Variants in TDRD10 observed in about 807,000 individuals in gnomAD.
TDRD10 encodes tudor domain containing 10.
Under a neutral mutation model 48.0 loss-of-function variants are expected in TDRD10, and 40 were observed. The ratio of observed to expected loss-of-function variants is 0.83; its 90% confidence interval spans 0.65 to 1.09. The LOEUF (loss-of-function observed/expected upper bound fraction) is 1.09, where lower values mean the gene tolerates loss of function less well. TDRD10 is among the 50% of genes least tolerant of loss of function. The pLI is 0.00. For synonymous variants in TDRD10, 162 were observed against 170.4 expected, an observed-to-expected ratio of 0.95 and a Z score of 0.38; for missense variants, 378 against 434.7, an observed-to-expected ratio of 0.87 and a Z score of 1.16.
rs1695472962 is a variant in TDRD10 at position 154,545,016 on chromosome 1, C to T, written c.952+67C>T. On this transcript the variant is annotated intron_variant, in intron 11 of 12. Coordinates refer to ENST00000368482, the MANE Select transcript of TDRD10 (RefSeq NM_182499.4). ...GGAGAAGCCATGGTTGCTTCTGGGA[C>T]CTGAACAGGAAGCAGCATAGTGGGC... 24 of 1,581,112 alleles carry T rather than the reference C, an allele frequency of 1.5e-5. No individual in the cohort carries two copies. In the South Asian group the frequency reaches 2.8e-4, roughly 18 times the overall value.
rs887229843 is a variant in TDRD10 at position 154,502,372 on chromosome 1, C to A, written c.-685C>A. 20 of 159,854 alleles carry A rather than the reference C, an allele frequency of 1.3e-4. No homozygotes were observed. The highest frequency in any genetic ancestry group is 8.2e-5 in the Non-Finnish European group (6 of 73,080). The allele number at this position is 159,854 out of a possible 1,614,324, so 9.9% of individuals were successfully genotyped here. On this transcript the variant is annotated 5_prime_UTR_variant, in exon 1 of 13. Transcript: ENST00000368482. ...CACGCTCCCAGGGACCAGAGAGGACCGAGCGGAGGCGGCGGGAGTATCCCC... is the reference window on the plus strand; with the variant it reads ...CACGCTCCCAGGGACCAGAGAGGACAGAGCGGAGGCGGCGGGAGTATCCCC...
intron 1 of TDRD10, among the ~76,000 whole-genome samples, chr1:154,504,788 A>G (rs1693050349): frequency 6.6e-6 from 1 of 152,116 alleles, no homozygotes; most frequent in African/African-American, 2.4e-5. Context: ...AAAAACACAG[A>G]TAAAGCCTGG....
intron 3 of TDRD10, 40 bp downstream of exon 3, chr1:154,507,360 A>C: frequency 1.5e-5 from 24 of 1,605,868 alleles, no homozygotes; most frequent in Non-Finnish European, 2.0e-5. Context: ...TGGGACTCTC[A>C]TCCTACAACT....
At chr1:154,526,091 G>C (rs1193023746) in intron 6 of TDRD10, among the ~76,000 whole-genome samples, 2 of 150,922 alleles carry the variant, frequency 1.3e-5, no homozygotes, top group East Asian at 3.9e-4. Flanking sequence ...TGTAGTCCCA[G>C]CTACTCGGGA....
At chr1:154,516,088 G>A (rs550286167) in intron 4 of TDRD10, among the ~76,000 whole-genome samples, 1 of 152,286 alleles carries the variant, frequency 6.6e-6, no homozygotes, top group South Asian at 2.1e-4. Context: ...TCTGCTTTCT[G>A]CACCTAACAC....
intron 4 of TDRD10, 53 bp from the exon 5 acceptor site, chr1:154,520,251 G>T: frequency 7.6e-7 from 1 of 1,313,356 alleles, no homozygotes; most frequent in Non-Finnish European, 1.1e-6. Flanking sequence ...ACCTTGAGAA[G>T]TGGTTGTAAG....
intron 11 of TDRD10, among the ~76,000 whole-genome samples, chr1:154,545,872 A>C (rs565257512): frequency 6.9e-6 from 1 of 144,814 alleles, no homozygotes; most frequent in African/African-American, 2.6e-5. Flanking sequence ...CCAAGTTCAC[A>C]TAATTCTCCC....
chr1:154,533,758 G>A (rs907828941), intron 6 of TDRD10, among the ~76,000 whole-genome samples: 7 of 151,856 alleles, frequency 4.6e-5, no homozygotes, highest in East Asian at 1.9e-4. Flanking sequence ...CCTCAGCCTC[G>A]TGAGTAGCTG....
chr1:154,547,649 CCCA>C (rs1483276751), intron 12 of TDRD10, 26 bp from the exon 13 acceptor site: 2 of 1,614,204 alleles, frequency 1.2e-6, no homozygotes, highest in East Asian at 4.5e-5. Flanking sequence ...GGCCTTCCTT[CCCA>C]CCAAGGCTTT....
chr1:154,518,490 C>T (rs749702036), intron 4 of TDRD10, among the ~76,000 whole-genome samples: 3 of 151,898 alleles, frequency 2.0e-5, no homozygotes, highest in East Asian at 1.9e-4. Context: ...TGCAGTGGTG[C>T]GATCTCGGTT....
intron 6 of TDRD10, 26 bp from the exon 7 acceptor site, chr1:154,541,998 G>A (rs749096067): frequency 3.7e-6 from 6 of 1,613,476 alleles, no homozygotes; most frequent in Non-Finnish European, 5.1e-6. Context: ...CCATGGCTGA[G>A]TGAGACCTTT....
At position 154,502,660 on chromosome 1, in the gene TDRD10, G is replaced by C. The variant is rs1570873656; in HGVS notation, c.-397G>C. On this transcript the variant is annotated 5_prime_UTR_variant, in exon 1 of 13. Coordinates refer to ENST00000368482, the MANE Select transcript of TDRD10 (RefSeq NM_182499.4). ...CGTCTGCACCGAGCCGGTCTCGGCC[G>C]GGCGCTGCCTTCACACGCGCCCAGG... 3.3e-5 allele frequency: 5 copies of C among 152,430 alleles called. 1 individual carries two copies. The highest frequency in any genetic ancestry group is 1.2e-4 in the African/African-American group (5 of 41,584). 9.4% of individuals were successfully genotyped at this position (152,430 alleles called of 1,614,324 possible). A position where few individuals can be genotyped will look rare whatever the true frequency, so the allele number is the denominator to read the frequency against.
chr1:154,523,009 G>A (rs986961872), intron 6 of TDRD10, among the ~76,000 whole-genome samples: 4 of 152,058 alleles, frequency 2.6e-5, no homozygotes, highest in Non-Finnish European at 4.4e-5. Context: ...TCTGCCTCCT[G>A]GGTTCAAGGG....
chr1:154,512,331 TTTG>T (rs757565269), intron 4 of TDRD10, among the ~76,000 whole-genome samples: 6 of 152,234 alleles, frequency 3.9e-5, no homozygotes, highest in South Asian at 4.2e-4. Flanking sequence ...TTGTTCCTTT[TTTG>T]TTGTTGTTGT....
chr1:154,539,459 C>T (rs939477697), intron 6 of TDRD10, among the ~76,000 whole-genome samples: 6 of 152,146 alleles, frequency 3.9e-5, no homozygotes, highest in Admixed American at 6.6e-5. Flanking sequence ...CCCGCCACCA[C>T]GGCCAGCTAA....
Position 154,520,330 on chromosome 1 carries a change from C to G in TDRD10, c.168C>G (p.Asp56Glu), listed in dbSNP as rs1159868270. Residue 56 changes from aspartate (D) to glutamate (E), a missense_variant, in exon 5 of 13, where the codon GAC becomes GAG. This residue lies in a region of TDRD10 where 310 missense variants were observed against 323.6 expected (regional missense o/e 0.96). Transcript: ENST00000368482. ...AGGAAATTCTGTACCTTCTAAAGGA[C>G]TTCAACCCTCTTGATGTCCACAAAA... The part of the protein sequence containing the change: ...SKEEILYLLK[D>E]FNPLDVHKIQ... The G allele has an allele frequency of 6.2e-7, 1 of 1,613,740 alleles. No individual in the cohort carries two copies. The highest frequency in any genetic ancestry group is 2.2e-5 in the East Asian group (1 of 44,900).
rs557329497 is a variant in TDRD10, at chr1:154,511,093, TTTACCA to T, written c.141+2616_141+2621del. ...TATATAATATTTACATATCTTAAAATTTACCATTAACTTTTTTGTTTGTTTGTTTGA... is the reference window on the plus strand; with the variant it reads ...TATATAATATTTACATATCTTAAAATTTAACTTTTTTGTTTGTTTGTTTGA... On this transcript the variant is annotated intron_variant, in intron 4 of 12. Transcript: ENST00000368482. Among the ~76,000 whole-genome samples, 54 of 151,950 alleles carry T rather than the reference TTTACCA, an allele frequency of 3.6e-4. No individual in the cohort carries two copies. In the East Asian group the frequency reaches 0.01, roughly 29 times the overall value.
At chr1:154,506,748 C>A in intron 1 of TDRD10, 129 bp from the exon 2 acceptor site, 1 of 768,278 alleles carries the variant, frequency 1.3e-6, no homozygotes, top group Non-Finnish European at 2.3e-6. Flanking sequence ...TTCATAGGTT[C>A]TAGGGATTAG....
intron 6 of TDRD10, among the ~76,000 whole-genome samples, chr1:154,541,651 G>A (rs999093803): frequency 5.3e-5 from 8 of 152,234 alleles, no homozygotes; most frequent in African/African-American, 1.7e-4. Context: ...CCAGGTGACC[G>A]CTACTACTTC....
Sources: allele counts gnomAD v4.1 joint callset (sites outside exome capture counted in the v4.1 genomes callset), GRCh38; gene constraint gnomAD v4.1.1; regional missense constraint gnomAD v4.1.1; transcripts MANE v1.5; gene names NCBI Gene and HGNC (gene_info 2026-07-23, HGNC 2026-07-21).